YY1: variants seen among roughly 807,000 people sequenced by gnomAD.
The protein encoded by YY1 is transcriptional repressor protein YY1.
Under a neutral mutation model 35.6 loss-of-function variants are expected in YY1, and 2 were observed. That is an observed-to-expected ratio of 0.06 (90% CI 0.02 to 0.18). The LOEUF is 0.18. YY1 is among the 10% of genes least tolerant of loss of function. The pLI is 1.00. For synonymous variants in YY1, 268 were observed against 238.9 expected, an observed-to-expected ratio of 1.12 and a Z score of -1.12; for missense variants, 322 against 573.4, an observed-to-expected ratio of 0.56 and a Z score of 4.48.
At chr14:100,267,445 C>T (rs1218584918) in intron 2 of YY1, among the ~76,000 whole-genome samples, 3 of 151,984 alleles carry the variant, frequency 2.0e-5, no homozygotes, top group East Asian at 1.9e-4. Flanking sequence ...CTCGCCTTGA[C>T]AGTGTAAAAA....
intron 1 of YY1, among the ~76,000 whole-genome samples, chr14:100,250,317 C>G (rs895676508): frequency 2.0e-5 from 3 of 152,170 alleles, no homozygotes; most frequent in African/African-American, 7.2e-5. Context: ...ATGTTTAGCT[C>G]TCCCCTGTTT....
Position 100,280,504 on chromosome 14 carries a change from A to G in YY1, c.*2904A>G, listed in dbSNP as rs1313260901. 2.0e-5 allele frequency: 3 copies of G among 152,100 alleles called. No individual in the cohort carries two copies. The highest frequency in any genetic ancestry group is 4.4e-5 in the Non-Finnish European group (3 of 68,014). The allele number at this position is 152,100 out of a possible 1,614,324, so 9.4% of individuals were successfully genotyped here. A position where few individuals can be genotyped will look rare whatever the true frequency, so the allele number is the denominator to read the frequency against. On this transcript the variant is annotated 3_prime_UTR_variant, in exon 5 of 5. Transcript: ENST00000262238. ...TATAAAGAACTGTCACCCCAGAGTG[A>G]CATTTATTTTCCAAGATGACCCTGA...
At chr14:100,256,415 C>G (rs1158861301) in intron 1 of YY1, among the ~76,000 whole-genome samples, 1 of 152,198 alleles carries the variant, frequency 6.6e-6, no homozygotes, top group Non-Finnish European at 1.5e-5. Context: ...CATCCCTGTT[C>G]CTCCCCAACC....
chr14:100,245,622 T>C (rs1890820820), intron 1 of YY1, among the ~76,000 whole-genome samples: 1 of 152,096 alleles, frequency 6.6e-6, no homozygotes, highest in Non-Finnish European at 1.5e-5. Context: ...TTGGGTTTTT[T>C]TTGAAACGGA....
At position 100,248,121 on chromosome 14, in the gene YY1, C is replaced by CT. The variant is rs10694000; in HGVS notation, c.679+8212dup. On this transcript the variant is annotated intron_variant, in intron 1 of 4. Coordinates refer to ENST00000262238, the MANE Select transcript of YY1 (RefSeq NM_003403.5). ...CACCACGCCCGGCTAATTTTTTTTT[C>CT]TTTTTTTTTTTTTTGAGACAGTCTC... Among the ~76,000 whole-genome samples the CT allele has an allele frequency of 3.2e-3, 381 of 117,614 alleles. 7 individuals are homozygous for CT. The highest frequency in any genetic ancestry group is 9.3e-3 in the Middle Eastern group (2 of 216). 77.2% of individuals were successfully genotyped at this position (117,614 alleles called of 152,430 possible). A position where few individuals can be genotyped will look rare whatever the true frequency, so the allele number is the denominator to read the frequency against.
At chr14:100,270,760 G>A (rs1424690883) in intron 2 of YY1, among the ~76,000 whole-genome samples, 1 of 152,176 alleles carries the variant, frequency 6.6e-6, no homozygotes, top group African/African-American at 2.4e-5. Context: ...AAACAGTCAT[G>A]TAGCCATCTT....
At chr14:100,252,601 C>T (rs1017900094) in intron 1 of YY1, among the ~76,000 whole-genome samples, 1 of 152,114 alleles carries the variant, frequency 6.6e-6, no homozygotes, top group Non-Finnish European at 1.5e-5. Context: ...ATGATGGTTG[C>T]CCACATCACC....
At chr14:100,241,621 G>A (rs1482441561) in intron 1 of YY1, among the ~76,000 whole-genome samples, 1 of 152,196 alleles carries the variant, frequency 6.6e-6, no homozygotes, top group African/African-American at 2.4e-5. Context: ...GTTATCAAAA[G>A]ATAATTTCCA....
At chr14:100,244,444 C>G (rs1198932779) in intron 1 of YY1, among the ~76,000 whole-genome samples, 1 of 146,904 alleles carries the variant, frequency 6.8e-6, no homozygotes, top group Admixed American at 6.9e-5. Context: ...CCATGCCTGG[C>G]TAATTTTGTT....
chr14:100,262,553 G>A (rs1430240580), intron 2 of YY1, 87 bp downstream of exon 2: 1 of 1,402,658 alleles, frequency 7.1e-7, no homozygotes, highest in Non-Finnish European at 1.0e-6. Context: ...AGTCAAAATG[G>A]TGGTTTGTAT....
chr14:100,268,172 T>A (rs1166551397), intron 2 of YY1, among the ~76,000 whole-genome samples: 1 of 152,234 alleles, frequency 6.6e-6, no homozygotes, highest in Non-Finnish European at 1.5e-5. Flanking sequence ...TGTAAGCTGC[T>A]TTTCTGTCTC....
At chr14:100,248,954 T>C (rs1380617128) in intron 1 of YY1, among the ~76,000 whole-genome samples, 2 of 152,042 alleles carry the variant, frequency 1.3e-5, no homozygotes, top group South Asian at 4.1e-4. Context: ...CCCAAAGTGC[T>C]AGGATTACAG....
In YY1 at chr14:100,276,916, CATACCTAAAACTCAATTTCT is replaced by C. The variant is rs1891328263; in HGVS notation, c.1062+270_1062+289del. 1.9e-6 allele frequency: 1 copy of C among 513,776 alleles called. No individual in the cohort carries two copies. Among genetic ancestry groups the C allele is most frequent in the East Asian group, 3.5e-5 (1 of 28,484 alleles). The allele number at this position is 513,776 out of a possible 1,614,324, so 31.8% of individuals were successfully genotyped here. On this transcript the variant is annotated intron_variant, in intron 4 of 4. Transcript: ENST00000262238. The surrounding 1 kb of genome is among the most constrained non-coding windows in gnomAD (Gnocchi z 4.1). ...GCAGGAGGAGAACAGGATTGAAGAG[CATACCTAAAACTCAATTTCT>C]ACTTCATTCATTACAGGATTGAAGT...
Position 100,276,122 on chromosome 14 carries a change from T to C in YY1, c.904-368T>C, listed in dbSNP as rs928933894. On this transcript the variant is annotated intron_variant, in intron 3 of 4. Coordinates refer to ENST00000262238, the MANE Select transcript of YY1 (RefSeq NM_003403.5). The surrounding 1 kb of genome is among the most constrained non-coding windows in gnomAD (Gnocchi z 4.1). ...TTAACTCCATTTGCTTAGCAGTGCT[T>C]CTGTTACTTCATTTTGGGGGACATA... 6 of 332,314 alleles carry C rather than the reference T, an allele frequency of 1.8e-5. No individual in the cohort carries two copies. The highest frequency in any genetic ancestry group is 4.4e-5 in the Admixed American group (1 of 22,602). 20.6% of individuals were successfully genotyped at this position (332,314 alleles called of 1,614,324 possible). A position where few individuals can be genotyped will look rare whatever the true frequency, so the allele number is the denominator to read the frequency against.
At chr14:100,253,215 T>C (rs1890949832) in intron 1 of YY1, among the ~76,000 whole-genome samples, 1 of 152,238 alleles carries the variant, frequency 6.6e-6, no homozygotes, top group Admixed American at 6.5e-5. Context: ...TTAGATACTT[T>C]GCTTCCTGAA....
At chr14:100,248,177 G>C (rs571696537) in intron 1 of YY1, among the ~76,000 whole-genome samples, 216 of 141,282 alleles carry the variant, frequency 1.5e-3, no homozygotes, top group African/African-American at 5.7e-3. Flanking sequence ...GTGCAGTGGC[G>C]CGATCTCGGC....
chr14:100,251,647 CT>C (rs532770978), intron 1 of YY1, among the ~76,000 whole-genome samples: 1,838 of 152,230 alleles, frequency 0.012, 47 homozygotes, highest in African/African-American at 0.042. Flanking sequence ...AATAAAGGGG[CT>C]TTTTTTGCAC....
chr14:100,275,686 TA>T (rs1222860130), intron 3 of YY1: 3 of 152,274 alleles, frequency 2.0e-5, no homozygotes, highest in Non-Finnish European at 4.4e-5. Context: ...AAATTCAACC[TA>T]GGGGTAAAGG....
chr14:100,259,747 G>A lies in YY1; in HGVS notation c.680-2557G>A, dbSNP rs529227022. 1.1e-4 allele frequency among the ~76,000 whole-genome samples: 17 copies of A among 152,312 alleles called. 1 individual carries two copies. Among genetic ancestry groups the A allele is most frequent in the Admixed American group, 8.5e-4 (13 of 15,292 alleles). On this transcript the variant is annotated intron_variant, in intron 1 of 4. Coordinates refer to ENST00000262238, the MANE Select transcript of YY1 (RefSeq NM_003403.5). ...CACACTTACTGAAACCTCCTGCCAT[G>A]CACTTGTGAATTTAACCCATGAGAA...
Sources: allele counts gnomAD v4.1 joint callset (sites outside exome capture counted in the v4.1 genomes callset), GRCh38; gene constraint gnomAD v4.1.1; non-coding constraint Gnocchi (gnomAD v3.1); transcripts MANE v1.5; gene names NCBI Gene and HGNC (gene_info 2026-07-23, HGNC 2026-07-21).